Variants in NBPF12 observed in about 807,000 individuals in gnomAD.
The protein encoded by NBPF12 is NBPF member 12, also known as NBPF family member NBPF12.
Under a neutral mutation model 146.4 loss-of-function variants are expected in NBPF12, and 115 were observed. That is an observed-to-expected ratio of 0.79 (90% CI 0.68 to 0.92). NBPF12 has a LOEUF of 0.92. NBPF12 is among the 40% of genes least tolerant of loss of function. The pLI is 0.00. For synonymous variants in NBPF12, 385 were observed against 508.9 expected (o/e 0.76, Z 3.28); for missense variants, 1,205 against 1,326.8 (o/e 0.91, Z 1.43).
At chr1:146,980,475 G>A (rs1180446498) in intron 19 of NBPF12, among the ~76,000 whole-genome samples, 16 of 151,792 alleles carry the variant, frequency 1.1e-4, no homozygotes, top group Non-Finnish European at 2.2e-4. Flanking sequence ...TCCATGTTTA[G>A]TGCTTCCTTT....
In NBPF12 at chr1:146,943,613, C is replaced by T. The variant is rs1373954711; in HGVS notation, c.-550+51C>T. The T allele has an allele frequency of 5.1e-6, 5 of 984,468 alleles. No homozygotes were observed. In the Admixed American group the frequency reaches 1.5e-4, roughly 29 times the overall value. 61.0% of individuals were successfully genotyped at this position (984,468 alleles called of 1,614,324 possible). On this transcript the variant is annotated intron_variant, in intron 2 of 35. Coordinates refer to the NBPF12 transcript ENST00000617931. ...TCGATGGGGTCAGAGAGTCCTCTTT[C>T]TATTATGACTCAGATGTGAAGGGAA...
intron 1 of NBPF12, among the ~76,000 whole-genome samples, chr1:146,941,683 G>A (rs1344805065): frequency 2.7e-5 from 4 of 146,160 alleles, no homozygotes; most frequent in African/African-American, 7.7e-5. Flanking sequence ...GAACCCAGGA[G>A]GCGGAGGTTG....
upstream of NBPF12, among the ~76,000 whole-genome samples, chr1:146,944,880 C>T (rs1478451113): frequency 7.8e-5 from 11 of 141,026 alleles, no homozygotes; most frequent in African/African-American, 1.9e-4. Flanking sequence ...CCTTCCCTTC[C>T]ACCCTCCCTC....
At position 146,984,292 on chromosome 1, in the gene NBPF12, A is replaced by G. The variant is rs1221074861; in HGVS notation, c.2666+107A>G. The stretch of plus-strand genomic sequence containing the variant: ...AATAATGATTTTGTCTTGTCAGACA[A>G]GTCTGAATTATGCCTACTGCATTGT... On this transcript the variant is annotated intron_variant, in intron 21 of 33. Coordinates refer to ENST00000617844, the Ensembl canonical transcript of NBPF12. The G allele has an allele frequency of 1.1e-4, 86 of 797,378 alleles. 1 individual carries two copies. Among genetic ancestry groups the G allele is most frequent in the South Asian group, 9.4e-4 (70 of 74,778 alleles). 49.4% of individuals were successfully genotyped at this position (797,378 alleles called of 1,614,324 possible).
exon 32 of NBPF12, chr1:146,992,725 C>G (rs1658284406): frequency 1.5e-6 from 1 of 676,632 alleles, no homozygotes; most frequent in Non-Finnish European, 2.7e-6. Flanking sequence ...CAGCAGGGAG[C>G]TGCTGGAGGT....
chr1:146,972,295 G>A (rs1189962723), intron 13 of NBPF12, among the ~76,000 whole-genome samples: 2 of 151,138 alleles, frequency 1.3e-5, no homozygotes, highest in East Asian at 1.9e-4. Flanking sequence ...TTGGCAGGCT[G>A]AGTGATGAGA....
chr1:146,966,017 G>C (rs1459531537), intron 8 of NBPF12, among the ~76,000 whole-genome samples: 4 of 151,660 alleles, frequency 2.6e-5, no homozygotes, highest in Non-Finnish European at 4.4e-5. Context: ...TGAGTGATGA[G>C]AATCGCTTGA....
intron 19 of NBPF12, 116 bp from the exon 23 acceptor site, chr1:146,982,812 G>C (rs1192778708): frequency 8.3e-6 from 12 of 1,444,264 alleles, no homozygotes; most frequent in Non-Finnish European, 1.1e-5. Flanking sequence ...AAGGAAAAAT[G>C]CCTTTGGTTT....
At chr1:146,988,063 C>T in exon 26 of NBPF12, 1 of 677,580 alleles carries the variant, frequency 1.5e-6, no homozygotes, top group Non-Finnish European at 2.6e-6. Context: ...CTCCTGCCAG[C>T]CCTACAGAAG....
In NBPF12 at chr1:146,975,558, T is replaced by C. The variant is rs1298883311; in HGVS notation, c.1905-119T>C. ...GGCCACAGACATTCCTTTCAACATG[T>C]GCTGACCTTCTGCTTGGAGGTCTCC... On this transcript the variant is annotated intron_variant, in intron 15 of 33. Coordinates refer to ENST00000617844, the Ensembl canonical transcript of NBPF12. The C allele has an allele frequency of 1.7e-4, 103 of 599,366 alleles. No homozygotes were observed. The East Asian group carries it at 2.8e-3, about 16-fold the overall frequency. The allele number at this position is 599,366 out of a possible 1,614,324, so 37.1% of individuals were successfully genotyped here.
chr1:146,971,308 T>A, exon 13 of NBPF12: 1 of 1,612,140 alleles, frequency 6.2e-7, no homozygotes, highest in East Asian at 2.2e-5. Context: ...AAAATCACAT[T>A]TGAGGAAGAC....
intron 15 of NBPF12, among the ~76,000 whole-genome samples, chr1:146,975,275 A>T (rs1343042663): frequency 7.7e-6 from 1 of 130,070 alleles, no homozygotes; most frequent in Non-Finnish European, 1.6e-5. Context: ...CGTCTTTTCA[A>T]TTCGCCCTAT....
chr1:146,954,744 GC>G (rs1655488014), intron 2 of NBPF12, among the ~76,000 whole-genome samples: 1 of 149,846 alleles, frequency 6.7e-6, no homozygotes, highest in African/African-American at 2.5e-5. Context: ...TCTACATACA[GC>G]TATGAAAATC....
At chr1:146,995,142 G>GGT (rs1168070279) in exon 34 of NBPF12, 2 of 134,310 alleles carry the variant, frequency 1.5e-5, no homozygotes, top group African/African-American at 6.6e-5. Context: ...GCCTCCAATT[G>GGT]GTGTCAGTAC....
intron 25 of NBPF12, among the ~76,000 whole-genome samples, chr1:146,987,733 T>TTGTGTGTGTGTGTG (rs782154969): frequency 1.4e-3 from 210 of 146,050 alleles, no homozygotes; most frequent in African/African-American, 4.9e-3. Flanking sequence ...GTGTGTGTGT[T>TTGTGTGTGTGTGTG]TGTGTGTGTG....
intron 25 of NBPF12, among the ~76,000 whole-genome samples, 173 bp from the exon 29 acceptor site, chr1:146,987,781 T>A (rs1275931509): frequency 2.0e-5 from 3 of 151,856 alleles, no homozygotes; most frequent in African/African-American, 7.3e-5. Context: ...CTTTCATTCT[T>A]TTCCATTTGG....
chr1:146,994,371 C>G, exon 34 of NBPF12: 1 of 1,612,338 alleles, frequency 6.2e-7, no homozygotes. Flanking sequence ...AGCCTGAAGT[C>G]TTGCAGGACT....
At chr1:146,992,458 CTCTCTGTGTGTG>C (rs1474254855) in intron 31 of NBPF12, among the ~76,000 whole-genome samples, 112 of 99,444 alleles carry the variant, frequency 1.1e-3, no homozygotes, top group Admixed American at 3.5e-3. Flanking sequence ...CTCTCTCTCT[CTCTCTGTGTGTG>C]TGTGTGTGTG....
At chr1:146,979,677 T>TGAGA (rs1657249997) in intron 19 of NBPF12, among the ~76,000 whole-genome samples, 2 of 7,524 alleles carry the variant, frequency 2.7e-4, no homozygotes, top group Non-Finnish European at 4.4e-4. Flanking sequence ...CACTGTGGTC[T>TGAGA]GACAGTTTGT....
Sources: allele counts gnomAD v4.1 joint callset (sites outside exome capture counted in the v4.1 genomes callset), GRCh38; gene constraint gnomAD v4.1.1; transcripts MANE v1.5; gene names NCBI Gene and HGNC (gene_info 2026-07-23, HGNC 2026-07-21).